Variants in MET observed in about 807,000 individuals in gnomAD.
The protein encoded by MET is MET proto-oncogene, receptor tyrosine kinase, also known as hepatocyte growth factor receptor.
A neutral mutation model predicts 133.1 loss-of-function variants in MET; 48 were observed. The ratio of observed to expected loss-of-function variants is 0.36; its 90% CI spans 0.29 to 0.46. The LOEUF is 0.46. Ranked by LOEUF, MET falls within the 20% of genes least tolerant of loss-of-function variation. The pLI is 1.00. For missense variants in MET, 1,442 were observed against 1,695.9 expected, an observed-to-expected ratio of 0.85 and a Z score of 2.63; for synonymous variants, 628 against 616.5, an observed-to-expected ratio of 1.02 and a Z score of -0.28.
chr7:116,694,119 C>T (rs1345673956), intron 1 of MET, among the ~76,000 whole-genome samples: 1 of 152,204 alleles, frequency 6.6e-6, no homozygotes, highest in Admixed American at 6.5e-5. Context: ...GCGCCAAATA[C>T]TTCTAAAAGG....
chr7:116,759,619 C>A (rs1338438743), intron 10 of MET, 129 bp downstream of exon 10: 8 of 1,050,422 alleles, frequency 7.6e-6, no homozygotes, highest in Non-Finnish European at 1.1e-5. Context: ...TGCAGTGTAG[C>A]CAAGTAGTAT....
At chr7:116,697,836 G>C (rs1300371827) in intron 1 of MET, among the ~76,000 whole-genome samples, 2 of 152,108 alleles carry the variant, frequency 1.3e-5, no homozygotes, top group Admixed American at 1.3e-4. Context: ...GCTATGCAGG[G>C]TATTGTAATA....
Position 116,673,879 on chromosome 7 carries a change from G to C in MET, c.-15+1302G>C, listed in dbSNP as rs150310630. ...TAATGGAACATAAGTGAGGTACTTTGGTTCCTATCATTTGCAAGTCTGTGG... is the reference window on the plus strand; with the variant it reads ...TAATGGAACATAAGTGAGGTACTTTCGTTCCTATCATTTGCAAGTCTGTGG... On this transcript the variant is annotated intron_variant, in intron 1 of 20. Transcript: ENST00000397752. 8.5e-5 allele frequency among the ~76,000 whole-genome samples: 13 copies of C among 152,226 alleles called. No individual in the cohort carries two copies. The East Asian group carries it at 2.5e-3, about 29-fold the overall frequency.
At chr7:116,712,675 C>A (rs1792043434) in intron 2 of MET, among the ~76,000 whole-genome samples, 1 of 152,044 alleles carries the variant, frequency 6.6e-6, no homozygotes, top group South Asian at 2.1e-4. Context: ...GTTTTACTCA[C>A]TATTACCTAT....
At chr7:116,755,276 T>G in intron 5 of MET, 79 bp from the exon 6 acceptor site, 19 of 1,459,398 alleles carry the variant, frequency 1.3e-5, no homozygotes, top group East Asian at 2.4e-5. Context: ...AGGATATACA[T>G]TTTGTTTGTT....
chr7:116,773,736 T>C (rs1297421252), intron 14 of MET, among the ~76,000 whole-genome samples: 1 of 152,218 alleles, frequency 6.6e-6, no homozygotes, highest in Admixed American at 6.5e-5. Context: ...TAGTGTCTAC[T>C]ATAACTGTAA....
rs568119445 is a variant in MET, at chr7:116,748,000, C to T, written c.1701+6975C>T. 7.9e-5 allele frequency among the ~76,000 whole-genome samples: 12 copies of T among 152,338 alleles called. No individual in the cohort carries two copies. The South Asian group carries it at 1.9e-3, about 24-fold the overall frequency. ...GTGGCTTACGCCTGTAATCCCAGCA[C>T]TTTGGGAGGCTGAGGCGGGCGGATC... On this transcript the variant is annotated intron_variant, in intron 5 of 20. Coordinates refer to ENST00000397752, the MANE Select transcript of MET (RefSeq NM_000245.4).
chr7:116,735,054 G>T (rs189603147), intron 3 of MET, among the ~76,000 whole-genome samples: 2 of 152,080 alleles, frequency 1.3e-5, no homozygotes, highest in Admixed American at 1.3e-4. Flanking sequence ...GATGCGAGAG[G>T]GGGTGGGGAG....
chr7:116,731,923 GT>G (rs763566579), intron 3 of MET, 64 bp downstream of exon 3: 1 of 1,537,604 alleles, frequency 6.5e-7, no homozygotes. Context: ...ATTTGTTTTC[GT>G]TTTTGCAGTA....
intron 19 of MET, among the ~76,000 whole-genome samples, chr7:116,783,729 G>A (rs182183650): frequency 6.3e-4 from 96 of 152,264 alleles, no homozygotes; most frequent in Non-Finnish European, 1.1e-3. Flanking sequence ...GAACCCTGTC[G>A]GCCAAGAACT....
Position 116,674,680 on chromosome 7 carries a change from G to A in MET, c.-15+2103G>A, listed in dbSNP as rs1029233710. 3.3e-5 allele frequency among the ~76,000 whole-genome samples: 5 copies of A among 152,234 alleles called. No individual in the cohort carries two copies. The East Asian group carries it at 9.6e-4, about 29-fold the overall frequency. The stretch of plus-strand genomic sequence containing the variant: ...ACCAAAGACATGGCAACACCCCCAT[G>A]GTGAGCACAGTTCCTCACACATTCA... On this transcript the variant is annotated intron_variant, in intron 1 of 20. Coordinates refer to ENST00000397752, the MANE Select transcript of MET (RefSeq NM_000245.4).
chr7:116,679,230 C>T (rs558382003), intron 1 of MET, among the ~76,000 whole-genome samples: 2 of 152,176 alleles, frequency 1.3e-5, no homozygotes, highest in East Asian at 3.9e-4. Flanking sequence ...TTTCTTCTGC[C>T]CAGAAACTTC....
rs574911056 is a variant in MET at position 116,699,456 on chromosome 7, C to G, written c.372C>G (p.Thr124=). The change falls in exon 2 of 21, where the codon ACC becomes ACG. Residue 124 remains threonine (T), a synonymous_variant. Transcript: ENST00000397752. ...TCAACATGGCTCTAGTTGTCGACAC[C>G]TACTATGATGATCAACTCATTAGCT... is the stretch of plus-strand genomic sequence containing the variant. ...DNINMALVVD[T]YYDDQLISCG... 22 of 1,614,010 alleles carry G rather than the reference C, an allele frequency of 1.4e-5. No homozygotes were observed. In the South Asian group the frequency reaches 2.2e-4, roughly 16 times the overall value.
intron 16 of MET, among the ~76,000 whole-genome samples, chr7:116,777,829 G>T (rs777608334): frequency 1.5e-4 from 23 of 152,242 alleles, no homozygotes; most frequent in Middle Eastern, 3.4e-3. Context: ...TTACCCAGAG[G>T]CATTACTATA....
At chr7:116,732,767 C>T (rs1350473304) in intron 3 of MET, among the ~76,000 whole-genome samples, 1 of 152,174 alleles carries the variant, frequency 6.6e-6, no homozygotes, top group African/African-American at 2.4e-5. Context: ...TCTATACATC[C>T]TATATGTGTA....
chr7:116,715,910 G>A (rs1792172368), intron 2 of MET, among the ~76,000 whole-genome samples: 1 of 152,178 alleles, frequency 6.6e-6, no homozygotes, highest in Non-Finnish European at 1.5e-5. Flanking sequence ...AAAGGAATCA[G>A]ATTGTAGGAG....
chr7:116,777,374 CT>C lies in MET; in HGVS notation c.3260-12del. 1 of 1,611,628 alleles carries C rather than the reference CT, an allele frequency of 6.2e-7. No homozygotes were observed. ...AATGTTACGCAGTGCTAACCAAGTT[CT>C]TTCTTTTGCACAGGGCATTTTGGTT... On this transcript the variant is annotated splice_polypyrimidine_tract_variant and intron_variant, in intron 15 of 20. Coordinates refer to ENST00000397752, the MANE Select transcript of MET (RefSeq NM_000245.4).
chr7:116,760,255 C>A (rs557009907), intron 10 of MET, among the ~76,000 whole-genome samples: 1 of 152,060 alleles, frequency 6.6e-6, no homozygotes, highest in Non-Finnish European at 1.5e-5. Context: ...TTCTTACAGC[C>A]CCCTGTTCTT....
At chr7:116,755,040 GAAAA>G in intron 5 of MET, among the ~76,000 whole-genome samples, 1 of 39,402 alleles carries the variant, frequency 2.5e-5, no homozygotes, top group Non-Finnish European at 6.0e-5. Flanking sequence ...AAGAAAGAAA[GAAAA>G]GAAAGAAAGA....
Sources: allele counts gnomAD v4.1 joint callset (sites outside exome capture counted in the v4.1 genomes callset), GRCh38; gene constraint gnomAD v4.1.1; transcripts MANE v1.5; gene names NCBI Gene and HGNC (gene_info 2026-07-23, HGNC 2026-07-21).